WDR37: variants seen among roughly 807,000 people sequenced by gnomAD.
WDR37 encodes WD repeat domain 37, also known as WD repeat-containing protein 37.
WDR37 carries 19 observed loss-of-function variants against 62.9 expected under a neutral mutation model. That is an observed-to-expected ratio of 0.30 (90% confidence interval 0.21 to 0.44). The LOEUF is 0.44. WDR37 is among the 20% of genes least tolerant of loss of function. WDR37 has a pLI of 1.00. For synonymous variants in WDR37, 250 were observed against 260.9 expected (o/e 0.96, Z 0.40); for missense variants, 474 against 657.6 (o/e 0.72, Z 3.05).
chr10:1,091,912 G>C (rs1834399937), intron 7 of WDR37, among the ~76,000 whole-genome samples: 1 of 152,168 alleles, frequency 6.6e-6, no homozygotes, highest in African/African-American at 2.4e-5. Flanking sequence ...CGGGCGCGGT[G>C]GCTCACGCCT....
At chr10:1,089,031 T>G (rs1328047634) in intron 7 of WDR37, among the ~76,000 whole-genome samples, 1 of 152,132 alleles carries the variant, frequency 6.6e-6, no homozygotes, top group Non-Finnish European at 1.5e-5. Flanking sequence ...GGTTTCAGGC[T>G]TTAGGGGTTC....
At chr10:1,113,012 T>C (rs1835262352) in intron 11 of WDR37, among the ~76,000 whole-genome samples, 1 of 152,240 alleles carries the variant, frequency 6.6e-6, no homozygotes, top group African/African-American at 2.4e-5. Context: ...AACAGCCTTC[T>C]GTTAAAGAAG....
intron 11 of WDR37, among the ~76,000 whole-genome samples, chr10:1,112,526 G>A (rs1027269181): frequency 3.9e-5 from 6 of 152,206 alleles, no homozygotes; most frequent in African/African-American, 1.4e-4. Flanking sequence ...TGGAAATGAC[G>A]AAGCTTAGTG....
At chr10:1,086,146 C>G in intron 6 of WDR37, 140 bp from the exon 7 acceptor site, 1 of 650,130 alleles carries the variant, frequency 1.5e-6, no homozygotes, top group Non-Finnish European at 2.7e-6. Flanking sequence ...TTGAAGCATA[C>G]AGAGTAATAG....
At position 1,056,646 on chromosome 10, in the gene WDR37, C is replaced by T. The variant is rs1386713728; in HGVS notation, c.-363C>T. ...CGTGACCAAGGGTGGGGGCGTTGGCCCAGCAGCCGAAGGGGTCTTCAGCGC... is the reference window on the plus strand; with the variant it reads ...CGTGACCAAGGGTGGGGGCGTTGGCTCAGCAGCCGAAGGGGTCTTCAGCGC... On this transcript the variant is annotated 5_prime_UTR_variant, in exon 1 of 14. Coordinates refer to ENST00000263150, the MANE Select transcript of WDR37 (RefSeq NM_014023.4). The T allele has an allele frequency of 6.6e-6, 1 of 152,234 alleles. No homozygotes were observed. The highest frequency in any genetic ancestry group is 2.4e-5 in the African/African-American group (1 of 41,456). The allele number at this position is 152,234 out of a possible 1,614,324, so 9.4% of individuals were successfully genotyped here. A position where few individuals can be genotyped will look rare whatever the true frequency, so the allele number is the denominator to read the frequency against.
chr10:1,087,520 A>T (rs370758580), intron 7 of WDR37, among the ~76,000 whole-genome samples: 1 of 152,266 alleles, frequency 6.6e-6, no homozygotes, highest in Non-Finnish European at 1.5e-5. Context: ...GTTAGTAGGC[A>T]TGAAATCAGC....
intron 1 of WDR37, among the ~76,000 whole-genome samples, chr10:1,069,389 A>ATATATATATATATATTTTTTTTTTTTTT: frequency 3.1e-5 from 3 of 95,774 alleles, no homozygotes; most frequent in African/African-American, 9.4e-5. Context: ...ATATATATAT[A>ATATATATATATATATTTTTTTTTTTTTT]TTTTTTTTTT....
intron 11 of WDR37, among the ~76,000 whole-genome samples, chr10:1,110,916 T>A (rs1835195929): frequency 6.6e-6 from 1 of 152,270 alleles, no homozygotes; most frequent in African/African-American, 2.4e-5. Context: ...TGCCTGCTCA[T>A]CCGGGAAGTA....
At position 1,059,553 on chromosome 10, in the gene WDR37, C is replaced by T. The variant is rs575377689; in HGVS notation, c.-41+2585C>T. Reference sequence around the variant, plus strand: ...GTGGCTCATGCCTGTAATCCCAGCACTTTGGGAGGCTGGGTCAGGTGAATC... The same window carrying T: ...GTGGCTCATGCCTGTAATCCCAGCATTTTGGGAGGCTGGGTCAGGTGAATC... On this transcript the variant is annotated intron_variant, in intron 1 of 13. Coordinates refer to ENST00000263150, the MANE Select transcript of WDR37 (RefSeq NM_014023.4). 1.2e-4 allele frequency among the ~76,000 whole-genome samples: 18 copies of T among 152,152 alleles called. No homozygotes were observed. In the East Asian group the frequency reaches 3.3e-3, roughly 28 times the overall value.
At chr10:1,084,787 G>T (rs547956895) in intron 6 of WDR37, among the ~76,000 whole-genome samples, 1 of 152,202 alleles carries the variant, frequency 6.6e-6, no homozygotes, top group Non-Finnish European at 1.5e-5. Flanking sequence ...TGGGTGTCCA[G>T]CTGCATCCTG....
intron 11 of WDR37, among the ~76,000 whole-genome samples, chr10:1,113,705 G>C (rs1835291586): frequency 6.6e-6 from 1 of 152,204 alleles, no homozygotes; most frequent in African/African-American, 2.4e-5. Flanking sequence ...ATTAGAAGTG[G>C]ATCCTGAAGA....
chr10:1,063,480 A>C (rs1191831222), intron 1 of WDR37, among the ~76,000 whole-genome samples: 2 of 152,198 alleles, frequency 1.3e-5, no homozygotes, highest in Non-Finnish European at 2.9e-5. Flanking sequence ...CACCCTGCTA[A>C]TCAGAGGCTG....
Position 1,084,544 on chromosome 10 carries a change from T to A in WDR37, c.532+6T>A. On this transcript the variant is annotated splice_donor_region_variant and intron_variant, in intron 6 of 13. Coordinates refer to ENST00000263150, the MANE Select transcript of WDR37 (RefSeq NM_014023.4). ...GCTCGGGACTGCATCAGCCGGTGAG[T>A]CGCACACGGACCTGGCCAGCCTGCG... The A allele has an allele frequency of 7.4e-6, 12 of 1,612,516 alleles. No individual in the cohort carries two copies. Among genetic ancestry groups the A allele is most frequent in the Non-Finnish European group, 1.0e-5 (12 of 1,179,006 alleles).
At chr10:1,088,437 G>T (rs1477510797) in intron 7 of WDR37, among the ~76,000 whole-genome samples, 1 of 152,176 alleles carries the variant, frequency 6.6e-6, no homozygotes, top group East Asian at 1.9e-4. Flanking sequence ...CCATTGTAGG[G>T]TTATGAATTG....
intron 1 of WDR37, 135 bp from the exon 2 acceptor site, chr10:1,071,981 A>G (rs1477204748): frequency 5.0e-6 from 3 of 605,292 alleles, no homozygotes; most frequent in African/African-American, 3.8e-5. Flanking sequence ...TTAATTTGTC[A>G]TATTCCAAAT....
At chr10:1,126,777 C>G (rs80012220) in intron 13 of WDR37, among the ~76,000 whole-genome samples, 1 of 152,198 alleles carries the variant, frequency 6.6e-6, no homozygotes, top group Non-Finnish European at 1.5e-5. Context: ...CCTTTTCTTC[C>G]GGTAGCACAG....
intron 9 of WDR37, among the ~76,000 whole-genome samples, chr10:1,097,970 G>T (rs1834648253): frequency 6.6e-6 from 1 of 152,174 alleles, no homozygotes; most frequent in African/African-American, 2.4e-5. Context: ...GTTTTGTTGA[G>T]ACTTGGGACT....
At position 1,128,932 on chromosome 10, in the gene WDR37, G is replaced by T. The variant is rs570193714; in HGVS notation, c.1354-281G>T. Among the ~76,000 whole-genome samples the T allele has an allele frequency of 9.3e-4, 140 of 150,498 alleles. 1 individual carries two copies. Among genetic ancestry groups the T allele is most frequent in the Non-Finnish European group, 3.3e-4 (22 of 67,538 alleles). On this transcript the variant is annotated intron_variant, in intron 13 of 13. Coordinates refer to ENST00000263150, the MANE Select transcript of WDR37 (RefSeq NM_014023.4). Reference sequence around the variant, plus strand: ...TGGTCCATGCTCTATGGTCCATGGGGTGCTCGGTGGTCCGTGCTCGGCGGT... The same window carrying T: ...TGGTCCATGCTCTATGGTCCATGGGTTGCTCGGTGGTCCGTGCTCGGCGGT...
At chr10:1,084,770 C>A (rs1160748146) in intron 6 of WDR37, among the ~76,000 whole-genome samples, 2 of 152,134 alleles carry the variant, frequency 1.3e-5, no homozygotes, top group Non-Finnish European at 1.5e-5. Context: ...TTTTGTGGTC[C>A]CGTGGGTGGG....
Sources: gnomAD v4.1 joint callset for allele counts (sites outside exome capture counted in the v4.1 genomes callset) on GRCh38, gnomAD v4.1.1 for gene constraint, MANE v1.5 for transcripts, NCBI Gene and HGNC (gene_info 2026-07-23, HGNC 2026-07-21) for gene names.